UBE2U: variants seen among roughly 807,000 people sequenced by gnomAD.
The protein encoded by UBE2U is ubiquitin conjugating enzyme E2 U, also known as ubiquitin-conjugating enzyme E2 U.
Under a neutral mutation model 41.2 loss-of-function variants are expected in UBE2U, and 39 were observed. The ratio of observed to expected loss-of-function variants is 0.95; its 90% CI spans 0.73 to 1.24. UBE2U has a LOEUF of 1.24. Ranked by LOEUF, UBE2U falls within the 50% of genes most tolerant of loss-of-function variation. The pLI is 0.00. For synonymous variants in UBE2U, 107 were observed against 117.8 expected, an observed-to-expected ratio of 0.91 and a Z score of 0.60; for missense variants, 336 against 363.1, an observed-to-expected ratio of 0.93 and a Z score of 0.61.
intron 8 of UBE2U, among the ~76,000 whole-genome samples, chr1:64,260,210 C>T (rs1452201439): frequency 6.6e-6 from 1 of 152,090 alleles, no homozygotes; most frequent in Admixed American, 6.6e-5. Context: ...CCTTGATCCC[C>T]AACATCTAGC....
In UBE2U at chr1:64,210,785, C is replaced by A. The variant is rs1422852354; in HGVS notation, c.285C>A (p.Asn95Lys). The A allele has an allele frequency of 5.6e-6, 9 of 1,606,406 alleles. No individual in the cohort carries two copies. Among genetic ancestry groups the A allele is most frequent in the Non-Finnish European group, 7.7e-6 (9 of 1,175,010 alleles). The change falls in exon 4 of 10, where the codon AAC becomes AAA. Residue 95 changes from asparagine to lysine, a missense_variant. Coordinates refer to ENST00000371077, the MANE Select transcript of UBE2U (RefSeq NM_001366232.2). ...TGQPCIDFLD[N>K]PEKWNTNYTL... ...AGCCCTGTATAGACTTTTTGGACAA[C>A]CCTGAGAAGTGGAATACAAACTATA...
intron 5 of UBE2U, among the ~76,000 whole-genome samples, chr1:64,219,137 T>C (rs772810360): frequency 6.6e-6 from 1 of 152,212 alleles, no homozygotes; most frequent in Non-Finnish European, 1.5e-5. Flanking sequence ...AAACCTTTTA[T>C]AACTTTGCAT....
chr1:64,214,467 T>G (rs1651855573), intron 4 of UBE2U, among the ~76,000 whole-genome samples: 1 of 152,196 alleles, frequency 6.6e-6, no homozygotes, highest in African/African-American at 2.4e-5. Flanking sequence ...CTTGAAATGT[T>G]GGTTAAAATA....
chr1:64,256,911 G>GAAAAAAA (rs139520292), intron 8 of UBE2U, among the ~76,000 whole-genome samples: 1 of 148,074 alleles, frequency 6.8e-6, no homozygotes. Flanking sequence ...AAATTTACAG[G>GAAAAAAA]AAAAAAAAAA....
intron 8 of UBE2U, among the ~76,000 whole-genome samples, chr1:64,259,023 G>A (rs138384996): frequency 0.011 from 1,740 of 152,094 alleles, 10 homozygotes; most frequent in Middle Eastern, 0.02. Flanking sequence ...TCTAACTGGC[G>A]TGAGATGGTA....
At chr1:64,232,256 T>C (rs923170489) in intron 6 of UBE2U, among the ~76,000 whole-genome samples, 20 of 152,376 alleles carry the variant, frequency 1.3e-4, no homozygotes, top group African/African-American at 4.1e-4. Flanking sequence ...TAGAGTTCTT[T>C]TTTAATGTTA....
intron 8 of UBE2U, among the ~76,000 whole-genome samples, chr1:64,252,448 G>A (rs967638024): frequency 6.6e-6 from 1 of 152,184 alleles, no homozygotes; most frequent in Non-Finnish European, 1.5e-5. Flanking sequence ...CCTCCTGACT[G>A]GGAGAGACCT....
At chr1:64,242,608 G>C (rs1557735416) in intron 8 of UBE2U, among the ~76,000 whole-genome samples, 1 of 150,682 alleles carries the variant, frequency 6.6e-6, no homozygotes, top group Non-Finnish European at 1.5e-5. Context: ...TTTAAATTGA[G>C]TATATTAAAA....
intron 9 of UBE2U, 116 bp from the exon 10 acceptor site, chr1:64,266,908 C>T: frequency 1.1e-6 from 1 of 894,384 alleles, no homozygotes. Flanking sequence ...TAAAAGGTTG[C>T]TCACATTCAT....
intron 5 of UBE2U, among the ~76,000 whole-genome samples, chr1:64,215,759 G>A (rs1352256337): frequency 1.3e-5 from 2 of 152,084 alleles, no homozygotes; most frequent in Non-Finnish European, 2.9e-5. Context: ...TGATACCCTT[G>A]GTATCCTGCC....
At chr1:64,256,001 A>T (rs1399963515) in intron 8 of UBE2U, among the ~76,000 whole-genome samples, 2 of 152,118 alleles carry the variant, frequency 1.3e-5, no homozygotes, top group East Asian at 3.9e-4. Flanking sequence ...GAGTCAAATC[A>T]TGAATGAACT....
At chr1:64,239,567 G>T (rs936108303) in intron 7 of UBE2U, among the ~76,000 whole-genome samples, 63 of 134,060 alleles carry the variant, frequency 4.7e-4, no homozygotes, top group Non-Finnish European at 5.3e-4. Flanking sequence ...CCCTTCCTGT[G>T]TCCAAGTGTT....
At chr1:64,238,080 C>A (rs909256257) in intron 7 of UBE2U, among the ~76,000 whole-genome samples, 4 of 152,066 alleles carry the variant, frequency 2.6e-5, no homozygotes, top group Admixed American at 6.6e-5. Context: ...CTAATGGTAA[C>A]CATATCTATT....
chr1:64,247,382 G>A (rs959602813), intron 8 of UBE2U, among the ~76,000 whole-genome samples: 2 of 152,114 alleles, frequency 1.3e-5, no homozygotes, highest in Non-Finnish European at 2.9e-5. Flanking sequence ...CATATATGGT[G>A]CTAGTTTAGA....
intron 8 of UBE2U, among the ~76,000 whole-genome samples, chr1:64,246,626 G>GA (rs1192315021): frequency 6.6e-6 from 1 of 152,012 alleles, no homozygotes; most frequent in Non-Finnish European, 1.5e-5. Flanking sequence ...AATCCTTTAG[G>GA]AAAAAATGAC....
intron 4 of UBE2U, among the ~76,000 whole-genome samples, 176 bp downstream of exon 4, chr1:64,211,015 A>G (rs1651631601): frequency 6.6e-6 from 1 of 152,236 alleles, no homozygotes; most frequent in Non-Finnish European, 1.5e-5. Context: ...AATTATAAAA[A>G]CTATTATTTA....
chr1:64,232,187 C>T (rs1312186177), intron 6 of UBE2U, among the ~76,000 whole-genome samples: 2 of 152,072 alleles, frequency 1.3e-5, no homozygotes, highest in African/African-American at 4.8e-5. Context: ...CATTGAAGTT[C>T]AAGAAAAATG....
At chr1:64,264,592 C>A (rs1360995955) in intron 9 of UBE2U, among the ~76,000 whole-genome samples, 2 of 152,194 alleles carry the variant, frequency 1.3e-5, no homozygotes, top group Non-Finnish European at 2.9e-5. Flanking sequence ...TGATTCCCAA[C>A]TTTCATTCCA....
At chr1:64,249,125 C>T (rs1253998790) in intron 8 of UBE2U, among the ~76,000 whole-genome samples, 3 of 152,026 alleles carry the variant, frequency 2.0e-5, no homozygotes, top group African/African-American at 7.2e-5. Flanking sequence ...GTTAGTTATC[C>T]CAGCACTTTG....
Sources: allele counts gnomAD v4.1 joint callset (sites outside exome capture counted in the v4.1 genomes callset), GRCh38; gene constraint gnomAD v4.1.1; transcripts MANE v1.5; gene names NCBI Gene and HGNC (gene_info 2026-07-23, HGNC 2026-07-21).